SCAMP5: variants seen among roughly 807,000 people sequenced by gnomAD.
The protein encoded by SCAMP5 is secretory carrier-associated membrane protein 5.
A neutral mutation model predicts 28.3 loss-of-function variants in SCAMP5; 7 were observed. That is an observed-to-expected ratio of 0.25 (90% CI 0.14 to 0.46). The LOEUF is 0.46. Ranked by LOEUF, SCAMP5 falls within the 20% of genes least tolerant of loss-of-function variation. The probability of loss-of-function intolerance (pLI) is 0.99; values close to 1 mark genes in which losing one functional copy is unlikely to be tolerated. For synonymous variants in SCAMP5, 117 were observed against 116.4 expected (o/e 1.00, Z -0.03); for missense variants, 192 against 312.5 (o/e 0.61, Z 2.91).
intron 2 of SCAMP5, 44 bp from the exon 3 acceptor site, chr15:75,012,633 G>A: frequency 6.2e-7 from 1 of 1,612,286 alleles, no homozygotes; most frequent in Non-Finnish European, 8.5e-7. Flanking sequence ...GGATTGTCGG[G>A]TGGAAGACTG....
intron 1 of SCAMP5, among the ~76,000 whole-genome samples, chr15:74,999,325 G>A (rs1595878925): frequency 6.6e-6 from 1 of 151,992 alleles, no homozygotes; most frequent in African/African-American, 2.4e-5. Flanking sequence ...TGTGTCACCC[G>A]AGCTGCCAGG....
Position 75,019,449 on chromosome 15 carries a change from C to A in SCAMP5, c.*466C>A, listed in dbSNP as rs1195119921. The stretch of plus-strand genomic sequence containing the variant: ...AGCTGGAACTGTTTCTACTTTCAGT[C>A]TTCCTGGGAAGTAACAGTACTTAGC... On this transcript the variant is annotated 3_prime_UTR_variant, in exon 7 of 7. Transcript: ENST00000425597. 1 of 144,948 alleles carries A rather than the reference C, an allele frequency of 6.9e-6. No individual in the cohort carries two copies. The highest frequency in any genetic ancestry group is 1.5e-5 in the Non-Finnish European group (1 of 65,194). The allele number at this position is 144,948 out of a possible 1,614,324, so 9.0% of individuals were successfully genotyped here.
chr15:75,011,024 C>T (rs779278259), intron 1 of SCAMP5, among the ~76,000 whole-genome samples: 20 of 152,032 alleles, frequency 1.3e-4, no homozygotes, highest in Admixed American at 3.9e-4. Flanking sequence ...GGCGATATGG[C>T]GAAACTTAAT....
At chr15:75,005,089 C>T (rs564313447) in intron 1 of SCAMP5, among the ~76,000 whole-genome samples, 130 of 151,786 alleles carry the variant, frequency 8.6e-4, no homozygotes, top group African/African-American at 7.0e-4. Flanking sequence ...GCAGGAGAAT[C>T]GCTTAAATCT....
rs1165731482 is a variant in SCAMP5, at chr15:74,996,574, A to G, written c.-49+901A>G. 6.6e-6 allele frequency among the ~76,000 whole-genome samples: 1 copy of G among 152,136 alleles called. No individual in the cohort carries two copies. Among genetic ancestry groups the G allele is most frequent in the Non-Finnish European group, 1.5e-5 (1 of 68,030 alleles). On this transcript the variant is annotated intron_variant, in intron 1 of 6. Transcript: ENST00000425597. The surrounding 1 kb of genome is among the most constrained non-coding windows in gnomAD (Gnocchi z 4.1). ...TGGGATTTGGGTGGGAGGAGAGGCA[A>G]GAGAGGGCATTCCAGGAGAATGTAT...
intron 1 of SCAMP5, among the ~76,000 whole-genome samples, chr15:75,002,226 T>C (rs966041034): frequency 1.3e-5 from 2 of 151,910 alleles, no homozygotes; most frequent in African/African-American, 4.8e-5. Context: ...CTGCATCTGC[T>C]TGGATCCTGT....
At chr15:74,997,596 G>A (rs902613400) in intron 1 of SCAMP5, among the ~76,000 whole-genome samples, 2 of 152,206 alleles carry the variant, frequency 1.3e-5, no homozygotes, top group Admixed American at 6.5e-5. Context: ...GAAGGTAGCA[G>A]GACTTAGAGG....
At chr15:75,001,066 C>T (rs940775345) in intron 1 of SCAMP5, among the ~76,000 whole-genome samples, 3 of 150,508 alleles carry the variant, frequency 2.0e-5, no homozygotes, top group East Asian at 2.0e-4. Context: ...CGATACTAGC[C>T]GAGACCATCC....
At chr15:75,005,543 T>C (rs1209939501) in intron 1 of SCAMP5, among the ~76,000 whole-genome samples, 2 of 152,144 alleles carry the variant, frequency 1.3e-5, no homozygotes, top group South Asian at 2.1e-4. Context: ...TTAGATAAAT[T>C]CCCCCTGCCA....
intron 1 of SCAMP5, among the ~76,000 whole-genome samples, chr15:74,997,874 G>T (rs961030763): frequency 6.6e-6 from 1 of 152,220 alleles, no homozygotes; most frequent in South Asian, 2.1e-4. Context: ...GGATTTCAGG[G>T]CAGAAGATGG....
At chr15:75,012,932 G>T in intron 3 of SCAMP5, 127 bp downstream of exon 3, 1 of 868,476 alleles carries the variant, frequency 1.2e-6, no homozygotes, top group Non-Finnish European at 1.8e-6. Context: ...GCATATGCAT[G>T]GACCATAAGT....
intron 3 of SCAMP5, among the ~76,000 whole-genome samples, chr15:75,014,737 A>T (rs74388405): frequency 1.3e-5 from 2 of 152,100 alleles, no homozygotes; most frequent in African/African-American, 4.8e-5. Context: ...AGAGAGAGAG[A>T]GGGGCTGAGC....
At position 75,012,657 on chromosome 15, in the gene SCAMP5, G is replaced by A; in HGVS notation, c.8-20G>A. On this transcript the variant is annotated intron_variant, in intron 2 of 6. Transcript: ENST00000425597. ...GGTGGAAGACTGGAGGTGATGTTGT[G>A]CAATGTGTCTCATCCACAGAGAAAG... The A allele has an allele frequency of 1.2e-6, 2 of 1,613,802 alleles. No individual in the cohort carries two copies. Among genetic ancestry groups the A allele is most frequent in the Non-Finnish European group, 1.7e-6 (2 of 1,179,700 alleles).
At chr15:75,005,129 C>T (rs934222662) in intron 1 of SCAMP5, among the ~76,000 whole-genome samples, 1 of 150,210 alleles carries the variant, frequency 6.7e-6, no homozygotes, top group Non-Finnish European at 1.5e-5. Context: ...GAGCCGAGAT[C>T]GTGCCACTGC....
intron 3 of SCAMP5, 178 bp downstream of exon 3, chr15:75,012,983 C>T (rs1304774601): frequency 6.5e-6 from 4 of 618,980 alleles, no homozygotes; most frequent in South Asian, 2.0e-5. Flanking sequence ...CCATGGGCCA[C>T]CTCCCCGACT....
intron 3 of SCAMP5, 90 bp from the exon 4 acceptor site, chr15:75,016,503 G>T: frequency 8.3e-7 from 1 of 1,199,790 alleles, no homozygotes; most frequent in South Asian, 1.4e-5. Context: ...TGCGTTACTG[G>T]TGTGTGTGTG....
At chr15:75,012,073 C>G (rs1190761985) in intron 2 of SCAMP5, among the ~76,000 whole-genome samples, 2 of 152,196 alleles carry the variant, frequency 1.3e-5, no homozygotes, top group African/African-American at 4.8e-5. Flanking sequence ...GAATTGAGCA[C>G]CTTGATGTCC....
At chr15:75,012,586 A>C in intron 2 of SCAMP5, 91 bp from the exon 3 acceptor site, 1 of 1,500,744 alleles carries the variant, frequency 6.7e-7, no homozygotes, top group South Asian at 1.2e-5. Context: ...CACAGGGGCC[A>C]ATGGGGCAGC....
At position 75,018,915 on chromosome 15, in the gene SCAMP5, G is replaced by A. The variant is rs532913950; in HGVS notation, c.640G>A (p.Gly214Ser). ...AQNAAMGAAQ[G>S]AMNQPQTQYS... ...GAACGCAGCCATGGGGGCAGCCCAGGGTGCCATGAATCAGCCTCAGACTCA... is the reference window on the plus strand; with the variant it reads ...GAACGCAGCCATGGGGGCAGCCCAGAGTGCCATGAATCAGCCTCAGACTCA... The change falls in exon 7 of 7, where the codon GGT (glycine) becomes AGT (serine). Residue 214 changes from glycine to serine, a missense_variant. Transcript: ENST00000425597. This position sits in a 1 kb window ranked among gnomAD's most constrained non-coding sequence, Gnocchi z 5.6. The A allele has an allele frequency of 1.9e-5, 30 of 1,575,954 alleles. No individual in the cohort carries two copies. The East Asian group carries it at 5.9e-4, about 31-fold the overall frequency.
Sources: allele counts gnomAD v4.1 joint callset (sites outside exome capture counted in the v4.1 genomes callset), GRCh38; gene constraint gnomAD v4.1.1; non-coding constraint Gnocchi (gnomAD v3.1); transcripts MANE v1.5; gene names NCBI Gene and HGNC (gene_info 2026-07-23, HGNC 2026-07-21).